The following NID2 variants were observed in gnomAD, a reference collection of about 807,000 sequenced individuals.
NID2 encodes the protein nidogen-2.
Under a neutral mutation model 145.4 loss-of-function variants are expected in NID2, and 83 were observed. That is an observed-to-expected ratio of 0.57 (90% CI 0.48 to 0.69). NID2 has a LOEUF of 0.69. NID2 is among the 30% of genes least tolerant of loss of function. The pLI is 0.00. For missense variants in NID2, 1,807 were observed against 1,765.7 expected, an observed-to-expected ratio of 1.02 and a Z score of -0.42; for synonymous variants, 739 against 701.3, an observed-to-expected ratio of 1.05 and a Z score of -0.85.
intron 12 of NID2, among the ~76,000 whole-genome samples, chr14:52,023,199 G>A (rs971280011): frequency 2.0e-5 from 3 of 152,148 alleles, no homozygotes; most frequent in African/African-American, 4.8e-5. Context: ...AAGCTAGGCC[G>A]GGTGTGGTGG....
intron 11 of NID2, 51 bp downstream of exon 11, chr14:52,028,671 A>G: frequency 6.3e-7 from 1 of 1,595,982 alleles, no homozygotes; most frequent in Non-Finnish European, 8.5e-7. Context: ...TTAAAGAGCA[A>G]GATTAAAGAG....
chr14:52,027,927 A>G (rs1393965868), intron 11 of NID2, among the ~76,000 whole-genome samples: 1 of 151,850 alleles, frequency 6.6e-6, no homozygotes, highest in African/African-American at 2.4e-5. Flanking sequence ...ATCTTTATCA[A>G]TGGGATGAAT....
chr14:52,042,385 C>T (rs1216109238), intron 6 of NID2, 35 bp from the exon 7 acceptor site: 1 of 1,575,856 alleles, frequency 6.3e-7, no homozygotes, highest in Non-Finnish European at 8.6e-7. Flanking sequence ...GCTTGGACGT[C>T]ATCCTGGCTA....
intron 18 of NID2, chr14:52,008,182 TG>T (rs1156405146): frequency 2.2e-6 from 1 of 450,400 alleles, no homozygotes; most frequent in African/African-American, 2.0e-5. Flanking sequence ...CTCAAAAAAC[TG>T]GTTTCTGCCT....
chr14:52,005,429 T>TTCTTTA lies in NID2; in HGVS notation c.*51_*56dup, dbSNP rs1566736544. On this transcript the variant is annotated 3_prime_UTR_variant, in exon 22 of 22. Coordinates refer to ENST00000216286, the MANE Select transcript of NID2 (RefSeq NM_007361.4). ...ACTTTCTTTGCCTTTGCAGTCACTG[T>TTCTTTA]TCTTTAGGGTCCAGGTTCTGATTGT... 1.6e-5 allele frequency: 24 copies of TTCTTTA among 1,498,780 alleles called. No homozygotes were observed. Among genetic ancestry groups the TTCTTTA allele is most frequent in the Non-Finnish European group, 7.1e-6 (8 of 1,119,856 alleles). The allele number at this position is 1,498,780 out of a possible 1,614,324, so 92.8% of individuals were successfully genotyped here.
chr14:52,011,134 G>A, intron 17 of NID2, 87 bp from the exon 18 acceptor site: 5 of 1,317,996 alleles, frequency 3.8e-6, no homozygotes, highest in Non-Finnish European at 5.3e-6. Context: ...TGGGCAGGGG[G>A]GTCAGCAGGG....
chr14:52,058,983 A>G (rs1892941565), intron 3 of NID2, among the ~76,000 whole-genome samples: 1 of 151,926 alleles, frequency 6.6e-6, no homozygotes. Flanking sequence ...GATCATAAGG[A>G]TGGGAAAGGA....
Position 52,060,359 on chromosome 14 carries a change from G to A in NID2, c.535-3C>T, listed in dbSNP as rs771807058. ...AAAACTGCCTGGAAAGTGTTCAGCT[G>A]TGAGGAAAAAAAAAAAAAAAGAGAG... On this transcript the variant is annotated splice_region_variant and splice_polypyrimidine_tract_variant and intron_variant, in intron 2 of 21. Coordinates refer to ENST00000216286, the MANE Select transcript of NID2 (RefSeq NM_007361.4). 3 of 1,163,970 alleles carry A rather than the reference G, an allele frequency of 2.6e-6. No individual in the cohort carries two copies. Among genetic ancestry groups the A allele is most frequent in the South Asian group, 2.1e-5 (1 of 46,752 alleles). 72.1% of individuals were successfully genotyped at this position (1,163,970 alleles called of 1,614,324 possible).
intron 14 of NID2, among the ~76,000 whole-genome samples, chr14:52,016,676 C>A (rs1891223982): frequency 6.6e-6 from 1 of 152,234 alleles, no homozygotes; most frequent in Non-Finnish European, 1.5e-5. Flanking sequence ...TTTCCTGCTT[C>A]CACCCTTCTA....
chr14:52,018,008 G>C (rs566023371), intron 14 of NID2, among the ~76,000 whole-genome samples: 1 of 152,054 alleles, frequency 6.6e-6, no homozygotes, highest in Non-Finnish European at 1.5e-5. Flanking sequence ...TAGTAGAGAC[G>C]GGGTTTCACT....
rs1566762474 is a variant in NID2, at chr14:52,040,559, G to C, written c.2026+92C>G. 3 of 1,068,938 alleles carry C rather than the reference G, an allele frequency of 2.8e-6. No homozygotes were observed. The East Asian group carries it at 7.1e-5, about 25-fold the overall frequency. 66.2% of individuals were successfully genotyped at this position (1,068,938 alleles called of 1,614,324 possible). ...TTTTATGTTCCATGCACTGTTCTAA[G>C]GACATGCCATGTAAGTCATTTAAGC... On this transcript the variant is annotated intron_variant, in intron 8 of 21. Coordinates refer to ENST00000216286, the MANE Select transcript of NID2 (RefSeq NM_007361.4).
intron 5 of NID2, among the ~76,000 whole-genome samples, chr14:52,048,098 A>G (rs539620042): frequency 6.6e-6 from 1 of 152,314 alleles, no homozygotes; most frequent in African/African-American, 2.4e-5. Context: ...TTGCTCATCA[A>G]TGTCGTTAAC....
At chr14:52,056,465 G>A (rs913131819) in intron 3 of NID2, among the ~76,000 whole-genome samples, 1 of 152,084 alleles carries the variant, frequency 6.6e-6, no homozygotes, top group African/African-American at 2.4e-5. Flanking sequence ...TTCCTCCCTG[G>A]GTTGTTAGGA....
At chr14:52,045,190 G>A (rs1892443567) in intron 5 of NID2, among the ~76,000 whole-genome samples, 1 of 152,126 alleles carries the variant, frequency 6.6e-6, no homozygotes, top group African/African-American at 2.4e-5. Context: ...GGGTTTAATG[G>A]TAGAAGCAAG....
chr14:52,035,025 C>T, intron 9 of NID2, among the ~76,000 whole-genome samples: 1 of 152,088 alleles, frequency 6.6e-6, no homozygotes, highest in East Asian at 1.9e-4. Context: ...GTACGAGCTC[C>T]CATATCCCCC....
At position 52,053,669 on chromosome 14, in the gene NID2, G is replaced by A. The variant is rs548626437; in HGVS notation, c.1339C>T (p.Arg447Ter). 2.5e-6 allele frequency: 4 copies of A among 1,614,216 alleles called. No individual in the cohort carries two copies. The highest frequency in any genetic ancestry group is 1.1e-5 in the South Asian group (1 of 91,080). ...PAHPEEEIVLRSYPASGHTTP... is the reference protein window; with the variant it reads ...PAHPEEEIVL ...GTGTGACCTGAAGCAGGGTAACTTC[G>A]AAGAACAATTTCTTCTTCAGGATGA... Residue 447 changes from arginine (R) to a stop codon, truncating the protein, a stop_gained, in exon 5 of 22, where the codon CGA becomes TGA. Coordinates refer to ENST00000216286, the MANE Select transcript of NID2 (RefSeq NM_007361.4). LOFTEE classifies it high-confidence loss of function.
chr14:52,014,561 G>T (rs1891149490), intron 15 of NID2, 105 bp from the exon 16 acceptor site: 1 of 1,204,608 alleles, frequency 8.3e-7, no homozygotes, highest in African/African-American at 1.5e-5. Context: ...AATATCAAAA[G>T]TTCTTCGCCC....
chr14:52,014,931 C>A, intron 15 of NID2, 123 bp downstream of exon 15: 2 of 786,868 alleles, frequency 2.5e-6, no homozygotes, highest in Non-Finnish European at 4.2e-6. Context: ...CAACATAGCA[C>A]ATAGTGACTT....
At chr14:52,053,436 T>C in intron 5 of NID2, 143 bp downstream of exon 5, 1 of 928,118 alleles carries the variant, frequency 1.1e-6, no homozygotes, top group African/African-American at 1.6e-5. Flanking sequence ...ACTCTATCTC[T>C]TGAAACACAG....
Sources: allele counts gnomAD v4.1 joint callset (sites outside exome capture counted in the v4.1 genomes callset), GRCh38; gene constraint gnomAD v4.1.1; transcripts MANE v1.5; gene names NCBI Gene and HGNC (gene_info 2026-07-23, HGNC 2026-07-21).